PIWIL2: variants seen among roughly 807,000 people sequenced by gnomAD.
PIWIL2 encodes the protein piwi-like protein 2.
PIWIL2 carries 81 observed loss-of-function variants against 116.5 expected under a neutral mutation model. The ratio of observed to expected loss-of-function variants is 0.70; its 90% CI spans 0.58 to 0.84. The LOEUF is 0.84. Among genes scored for constraint, PIWIL2 ranks in the 40% least tolerant of loss-of-function variants. The pLI, the probability that PIWIL2 is intolerant of heterozygous loss-of-function variation, is 0.00. For synonymous variants in PIWIL2, 489 were observed against 429.5 expected, an observed-to-expected ratio of 1.14 and a Z score of -1.71; for missense variants, 1,272 against 1,212.3, an observed-to-expected ratio of 1.05 and a Z score of -0.73.
intron 16 of PIWIL2, among the ~76,000 whole-genome samples, chr8:22,311,987 C>T (rs1285172485): frequency 7.9e-5 from 12 of 151,858 alleles, no homozygotes; most frequent in African/African-American, 1.5e-4. Context: ...GTCAGCTGGG[C>T]GCACAGTGGC....
At position 22,304,036 on chromosome 8, in the gene PIWIL2, G is replaced by A; in HGVS notation, c.1197G>A (p.Gln399=). 1 of 1,611,630 alleles carries A rather than the reference G, an allele frequency of 6.2e-7. No individual in the cohort carries two copies. The highest frequency in any genetic ancestry group is 1.1e-5 in the South Asian group (1 of 90,734). Residue 399 remains glutamine (Q), a synonymous_variant, in exon 11 of 23, where the codon CAG becomes CAA. Coordinates refer to ENST00000356766, the MANE Select transcript of PIWIL2 (RefSeq NM_018068.5). ...CVLDVMHAIY[Q]QNKEHFQDEC... The stretch of plus-strand genomic sequence containing the variant: ...CTTTCCAAAGGCATGCCATTTATCA[G>A]CAGAATAAAGAACACTTCCAGGATG...
intron 20 of PIWIL2, among the ~76,000 whole-genome samples, chr8:22,337,453 G>A (rs1327869901): frequency 1.3e-5 from 2 of 152,118 alleles, no homozygotes; most frequent in African/African-American, 2.4e-5. Flanking sequence ...ACTAGGCCAG[G>A]CACAGTGGCA....
intron 20 of PIWIL2, among the ~76,000 whole-genome samples, chr8:22,347,516 CTTTTTT>C (rs1218303089): frequency 1.2e-4 from 12 of 98,476 alleles, no homozygotes; most frequent in African/African-American, 4.4e-4. Flanking sequence ...TGTGCCTGGC[CTTTTTT>C]TTTTTTTTTT....
intron 20 of PIWIL2, among the ~76,000 whole-genome samples, chr8:22,340,369 T>A (rs560590720): frequency 6.6e-6 from 1 of 152,308 alleles, no homozygotes; most frequent in East Asian, 1.9e-4. Flanking sequence ...TAAAAAGAAT[T>A]CTGCATTGAG....
At chr8:22,340,878 A>AT (rs1832092835) in intron 20 of PIWIL2, among the ~76,000 whole-genome samples, 2 of 151,994 alleles carry the variant, frequency 1.3e-5, no homozygotes, top group African/African-American at 4.8e-5. Flanking sequence ...TTTCTGGCTA[A>AT]TTTTTTAATT....
intron 20 of PIWIL2, among the ~76,000 whole-genome samples, chr8:22,334,494 C>T (rs1831934445): frequency 6.7e-6 from 1 of 149,906 alleles, no homozygotes; most frequent in Non-Finnish European, 1.5e-5. Context: ...TGCACTCCAG[C>T]CTGGGTGACA....
chr8:22,337,911 TG>T (rs1832017429), intron 20 of PIWIL2, among the ~76,000 whole-genome samples: 2 of 151,880 alleles, frequency 1.3e-5, no homozygotes, highest in East Asian at 3.9e-4. Flanking sequence ...CTCGCCAACA[TG>T]GCAAAACCCC....
intron 20 of PIWIL2, among the ~76,000 whole-genome samples, chr8:22,339,223 A>G (rs1241443673): frequency 6.6e-6 from 1 of 152,094 alleles, no homozygotes; most frequent in Admixed American, 6.6e-5. Context: ...AAACTATAAA[A>G]CTGGCCAAGT....
intron 14 of PIWIL2, 123 bp downstream of exon 14, chr8:22,308,196 A>ATT: frequency 2.9e-5 from 21 of 725,696 alleles, no homozygotes; most frequent in Non-Finnish European, 3.3e-5. Context: ...TATTTTTCTA[A>ATT]GTTTTTTTTT....
intron 22 of PIWIL2, 103 bp from the exon 23 acceptor site, chr8:22,355,246 A>G: frequency 9.3e-7 from 1 of 1,072,254 alleles, no homozygotes; most frequent in East Asian, 2.4e-5. Context: ...AGTTTTCAGG[A>G]AGGTGTGCTC....
At chr8:22,314,026 A>C (rs1228938165) in intron 16 of PIWIL2, among the ~76,000 whole-genome samples, 1 of 152,242 alleles carries the variant, frequency 6.6e-6, no homozygotes, top group Non-Finnish European at 1.5e-5. Context: ...GCATGCATTC[A>C]AACCTGGTCC....
At chr8:22,336,636 G>A (rs1234693698) in intron 20 of PIWIL2, among the ~76,000 whole-genome samples, 1 of 152,142 alleles carries the variant, frequency 6.6e-6, no homozygotes, top group Admixed American at 6.5e-5. Context: ...GCTGGGTGCA[G>A]TGGCTCATGC....
chr8:22,340,045 A>ATTTTTTTTTTTTTTTTTTTTTTTTTTT (rs10626386), intron 20 of PIWIL2, among the ~76,000 whole-genome samples: 1 of 93,772 alleles, frequency 1.1e-5, no homozygotes, highest in African/African-American at 4.1e-5. Flanking sequence ...TATAAAAAGA[A>ATTTTTTTTTTTTTTTTTTTTTTTTTTT]TTTTTTTTTT....
chr8:22,298,254 C>A (rs1830959140), intron 10 of PIWIL2, among the ~76,000 whole-genome samples: 1 of 150,914 alleles, frequency 6.6e-6, no homozygotes, highest in African/African-American at 2.4e-5. Context: ...GGAGTGAGAC[C>A]CTATTTAAAA....
At chr8:22,334,087 C>T (rs1053100404) in intron 20 of PIWIL2, among the ~76,000 whole-genome samples, 4 of 151,246 alleles carry the variant, frequency 2.6e-5, no homozygotes, top group African/African-American at 9.7e-5. Flanking sequence ...AATTCTTGTG[C>T]CTCAGCCTCC....
At chr8:22,294,522 T>C (rs1413020774) in intron 10 of PIWIL2, among the ~76,000 whole-genome samples, 1 of 149,338 alleles carries the variant, frequency 6.7e-6, no homozygotes, top group South Asian at 2.1e-4. Flanking sequence ...GCACCTGTAG[T>C]CCCAGCTACT....
At chr8:22,353,314 A>G (rs1586604459) in intron 21 of PIWIL2, 102 bp downstream of exon 21, 3 of 975,962 alleles carry the variant, frequency 3.1e-6, no homozygotes, top group East Asian at 2.4e-5. Flanking sequence ...GTTGTGGACT[A>G]GAATCTCAGA....
At chr8:22,294,053 T>C (rs1197421841) in intron 10 of PIWIL2, among the ~76,000 whole-genome samples, 1 of 152,098 alleles carries the variant, frequency 6.6e-6, no homozygotes, top group African/African-American at 2.4e-5. Flanking sequence ...TTTATTTTGT[T>C]TTGGCCAGAT....
At chr8:22,351,849 G>T (rs1013795654) in intron 20 of PIWIL2, among the ~76,000 whole-genome samples, 1 of 150,618 alleles carries the variant, frequency 6.6e-6, no homozygotes, top group African/African-American at 2.4e-5. Context: ...CATAATTTAG[G>T]TTTTTGAGGG....
Sources: gnomAD v4.1 joint callset for allele counts (sites outside exome capture counted in the v4.1 genomes callset) on GRCh38, gnomAD v4.1.1 for gene constraint, MANE v1.5 for transcripts, NCBI Gene and HGNC (gene_info 2026-07-23, HGNC 2026-07-21) for gene names.